EEF1AKMT2: variants seen among roughly 807,000 people sequenced by gnomAD.
EEF1AKMT2 encodes EEF1A lysine methyltransferase 2.
Under a neutral mutation model 35.8 loss-of-function variants are expected in EEF1AKMT2, and 32 were observed. The observed-to-expected ratio is 0.89, with a 90% CI of 0.67 to 1.20. The LOEUF (loss-of-function observed/expected upper bound fraction) is 1.20. Ranked by LOEUF, EEF1AKMT2 falls within the 50% of genes most tolerant of loss-of-function variation. EEF1AKMT2 has a pLI of 0.00. For missense variants in EEF1AKMT2, 330 were observed against 347.5 expected (o/e 0.95, Z 0.40); for synonymous variants, 121 against 133.7 (o/e 0.91, Z 0.65).
intron 3 of EEF1AKMT2, among the ~76,000 whole-genome samples, chr10:124,782,195 A>T (rs902482488): frequency 1.3e-5 from 2 of 152,326 alleles, no homozygotes; most frequent in African/African-American, 4.8e-5. Context: ...GAAAAAGAGA[A>T]GAATAAAAAA....
intron 3 of EEF1AKMT2, 61 bp from the exon 4 acceptor site, chr10:124,774,843 T>C (rs1950474932): frequency 1.2e-6 from 1 of 806,660 alleles, no homozygotes; most frequent in South Asian, 2.6e-5. Flanking sequence ...TGTTTATGAA[T>C]TATAATATTC....
At chr10:124,757,691 TGTATATAC>T (rs1950297095), downstream of EEF1AKMT2, 1 of 151,954 alleles carries the variant, frequency 6.6e-6, no homozygotes, top group African/African-American at 2.4e-5. Context: ...AAAAGTCTTT[TGTATATAC>T]TTAGCTCCCT....
intron 3 of EEF1AKMT2, among the ~76,000 whole-genome samples, chr10:124,783,805 C>T (rs554062248): frequency 1.3e-5 from 2 of 152,022 alleles, no homozygotes; most frequent in African/African-American, 4.8e-5. Flanking sequence ...TTGCCACCAA[C>T]CAAACCTGGC....
chr10:124,781,352 G>A (rs1007558866), intron 3 of EEF1AKMT2, among the ~76,000 whole-genome samples: 1 of 151,736 alleles, frequency 6.6e-6, no homozygotes, highest in African/African-American at 2.4e-5. Flanking sequence ...GCTGAGGCAG[G>A]CAGATCATCC....
chr10:124,766,838 C>A (rs371356484), intron 4 of EEF1AKMT2, among the ~76,000 whole-genome samples: 104 of 152,274 alleles, frequency 6.8e-4, no homozygotes, highest in African/African-American at 2.3e-3. Flanking sequence ...CATCTATTGT[C>A]AGGTACTTTT....
intron 3 of EEF1AKMT2, among the ~76,000 whole-genome samples, chr10:124,778,488 C>T (rs1260264267): frequency 1.3e-5 from 2 of 151,974 alleles, no homozygotes; most frequent in African/African-American, 2.4e-5. Flanking sequence ...CTTTGGGAGG[C>T]CAAGGCAGGC....
intron 5 of EEF1AKMT2, among the ~76,000 whole-genome samples, chr10:124,764,164 A>G (rs757531767): frequency 1.4e-4 from 22 of 152,126 alleles, no homozygotes; most frequent in Admixed American, 2.6e-4. Context: ...GGTACACAGT[A>G]AACTATTCTC....
chr10:124,784,145 A>C (rs1950565410), intron 3 of EEF1AKMT2, among the ~76,000 whole-genome samples: 1 of 152,102 alleles, frequency 6.6e-6, no homozygotes, highest in Non-Finnish European at 1.5e-5. Context: ...TTTCAAGTTC[A>C]CATGAAAAAT....
chr10:124,777,899 T>C (rs1950501467), intron 3 of EEF1AKMT2, among the ~76,000 whole-genome samples: 1 of 152,160 alleles, frequency 6.6e-6, no homozygotes, highest in African/African-American at 2.4e-5. Flanking sequence ...CACCATTGTA[T>C]ATGTGGTACA....
At chr10:124,787,138 G>A (rs958252268) in intron 3 of EEF1AKMT2, among the ~76,000 whole-genome samples, 7 of 48,112 alleles carry the variant, frequency 1.5e-4, no homozygotes, top group African/African-American at 4.6e-4. Context: ...AGTAGAGACG[G>A]GGTTTCACCG....
chr10:124,767,235 C>T (rs1353887410), intron 4 of EEF1AKMT2, among the ~76,000 whole-genome samples: 5 of 149,414 alleles, frequency 3.3e-5, no homozygotes, highest in East Asian at 3.9e-4. Context: ...TTATATTGGC[C>T]GGGCGCAGTG....
intron 4 of EEF1AKMT2, among the ~76,000 whole-genome samples, chr10:124,772,033 G>A (rs371888301): frequency 4.6e-5 from 7 of 152,122 alleles, no homozygotes; most frequent in East Asian, 3.8e-4. Flanking sequence ...CAGATGTGCC[G>A]TTATCCAGGC....
chr10:124,791,567 T>C (rs1950634700), intron 1 of EEF1AKMT2, among the ~76,000 whole-genome samples, 157 bp downstream of exon 1: 1 of 152,114 alleles, frequency 6.6e-6, no homozygotes, highest in Non-Finnish European at 1.5e-5. Flanking sequence ...TTCCACTCTT[T>C]GAAATCCCCG....
Position 124,782,757 on chromosome 10 carries a change from G to A in EEF1AKMT2, c.291+6286C>T, listed in dbSNP as rs144827106. Among the ~76,000 whole-genome samples, 617 of 150,350 alleles carry A rather than the reference G, an allele frequency of 4.1e-3. 13 individuals are homozygous for A. The highest frequency in any genetic ancestry group is 0.014 in the African/African-American group (579 of 40,836). The stretch of plus-strand genomic sequence containing the variant: ...GAACCCAGGAGGTGGAGGTTGCAGT[G>A]AGCCAAGATCCCTCCATTGCACTCC... On this transcript the variant is annotated intron_variant, in intron 3 of 6. Transcript: ENST00000368836.
intron 4 of EEF1AKMT2, among the ~76,000 whole-genome samples, chr10:124,769,007 T>C (rs12098343): frequency 3.3e-5 from 5 of 150,482 alleles, no homozygotes; most frequent in East Asian, 2.0e-4. Flanking sequence ...GGCAGGCAGA[T>C]TGTTTGAGGC....
chr10:124,769,223 A>C (rs1950406530), intron 4 of EEF1AKMT2, among the ~76,000 whole-genome samples: 1 of 12,352 alleles, frequency 8.1e-5, no homozygotes, highest in Admixed American at 2.0e-3. Context: ...GTCTCCAAAA[A>C]AAAAAAAAAA....
intron 4 of EEF1AKMT2, 53 bp from the exon 5 acceptor site, chr10:124,765,661 G>T: frequency 5.3e-6 from 7 of 1,329,286 alleles, no homozygotes; most frequent in Non-Finnish European, 7.4e-6. Context: ...AATCCTTACA[G>T]AATGTAAGTG....
chr10:124,778,052 G>A (rs904752129), intron 3 of EEF1AKMT2, among the ~76,000 whole-genome samples: 2 of 151,880 alleles, frequency 1.3e-5, no homozygotes, highest in Admixed American at 6.6e-5. Flanking sequence ...TTAGCCAGGC[G>A]TGGTGGCGGG....
intron 5 of EEF1AKMT2, among the ~76,000 whole-genome samples, chr10:124,764,876 T>C (rs555308771): frequency 6.6e-6 from 1 of 152,196 alleles, no homozygotes; most frequent in East Asian, 1.9e-4. Flanking sequence ...AAATAAAAGA[T>C]TGTACGACTC....
Sources: allele counts gnomAD v4.1 joint callset (sites outside exome capture counted in the v4.1 genomes callset), GRCh38; gene constraint gnomAD v4.1.1; transcripts MANE v1.5; gene names NCBI Gene and HGNC (gene_info 2026-07-23, HGNC 2026-07-21).